SP110: variants seen among roughly 807,000 people sequenced by gnomAD.
SP110 encodes the protein SP110 nuclear body protein.
SP110 carries 62 observed loss-of-function variants against 92.7 expected under a neutral mutation model. That is an observed-to-expected ratio of 0.67 (90% CI 0.55 to 0.83). The LOEUF is 0.83. Among genes scored for constraint, SP110 ranks in the 40% least tolerant of loss-of-function variants. The probability of loss-of-function intolerance (pLI) is 0.00; values close to 1 mark genes in which losing one functional copy is unlikely to be tolerated. For synonymous variants in SP110, 273 were observed against 305.3 expected, an observed-to-expected ratio of 0.89 and a Z score of 1.10; for missense variants, 793 against 863.9, an observed-to-expected ratio of 0.92 and a Z score of 1.03.
chr2:230,220,253 C>T (rs1203580321), upstream of SP110: 1 of 160,482 alleles, frequency 6.2e-6, no homozygotes, highest in African/African-American at 2.4e-5. Context: ...AACTCAGCGT[C>T]CAAATGCTTC....
At chr2:230,179,077 C>T (rs2041999740) in intron 12 of SP110, among the ~76,000 whole-genome samples, 1 of 152,196 alleles carries the variant, frequency 6.6e-6, no homozygotes, top group African/African-American at 2.4e-5. Flanking sequence ...CCAACTCTCT[C>T]CCTTGCCTCA....
intron 12 of SP110, among the ~76,000 whole-genome samples, chr2:230,182,601 C>T (rs564409597): frequency 7.9e-5 from 12 of 152,034 alleles, no homozygotes; most frequent in Non-Finnish European, 1.8e-4. Flanking sequence ...TGGGAGCATT[C>T]GGTATCTGGT....
Position 230,211,373 on chromosome 2 carries a change from A to G in SP110, c.751+97T>C, listed in dbSNP as rs2044455103. Reference sequence around the variant, plus strand: ...AGCTGGGCCAAGATTGCTGAGAGGCAGGAGGAGAGCCCCCTCTCTAGAAGA... The same window carrying G: ...AGCTGGGCCAAGATTGCTGAGAGGCGGGAGGAGAGCCCCCTCTCTAGAAGA... On this transcript the variant is annotated intron_variant, in intron 6 of 18. Transcript: ENST00000258381. The surrounding 1 kb of genome is among the most constrained non-coding windows in gnomAD (Gnocchi z 4.2). 1 of 826,190 alleles carries G rather than the reference A, an allele frequency of 1.2e-6. No homozygotes were observed. The highest frequency in any genetic ancestry group is 2.1e-6 in the Non-Finnish European group (1 of 469,292). The allele number at this position is 826,190 out of a possible 1,614,324, so 51.2% of individuals were successfully genotyped here.
intron 11 of SP110, 151 bp from the exon 12 acceptor site, chr2:230,183,791 T>C (rs1438190284): frequency 1.1e-5 from 7 of 662,898 alleles, no homozygotes; most frequent in Non-Finnish European, 1.9e-5. Context: ...CCTTGTAGCA[T>C]TGACTAAGGA....
chr2:230,210,511 C>T (rs1327733039), intron 6 of SP110, among the ~76,000 whole-genome samples: 1 of 152,192 alleles, frequency 6.6e-6, no homozygotes, highest in Non-Finnish European at 1.5e-5. Flanking sequence ...TTTAACTGCT[C>T]TATCTGTGGT....
chr2:230,207,833 G>A (rs2044036848), intron 8 of SP110, among the ~76,000 whole-genome samples, 158 bp downstream of exon 8: 2 of 151,896 alleles, frequency 1.3e-5, no homozygotes, highest in Admixed American at 6.6e-5. Context: ...TCTTTACACC[G>A]TAGCAAAATT....
chr2:230,176,516 C>G, intron 14 of SP110: 3 of 1,557,278 alleles, frequency 1.9e-6, no homozygotes, highest in Admixed American at 3.9e-5. Flanking sequence ...ATTTGCTTCC[C>G]CATCCCAAAT....
intron 12 of SP110, among the ~76,000 whole-genome samples, chr2:230,181,762 A>C (rs1270778056): frequency 6.6e-6 from 1 of 152,256 alleles, no homozygotes; most frequent in African/African-American, 2.4e-5. Context: ...ATACCATCTC[A>C]TGCCAGTCAG....
intron 10 of SP110, among the ~76,000 whole-genome samples, chr2:230,191,072 G>GT (rs968155659): frequency 2.2e-4 from 33 of 151,498 alleles, no homozygotes; most frequent in African/African-American, 4.4e-4. Flanking sequence ...ATTTAAAATA[G>GT]TTTTTTTTTC....
At chr2:230,220,009 C>A (rs202197342), upstream of SP110, 2 of 985,478 alleles carry the variant, frequency 2.0e-6, no homozygotes, top group South Asian at 4.7e-5. Flanking sequence ...AGTAAGGGGC[C>A]GGGCTTCCGA....
intron 14 of SP110, 40 bp from the exon 15 acceptor site, chr2:230,172,999 A>T: frequency 7.5e-7 from 1 of 1,337,654 alleles, no homozygotes; most frequent in Non-Finnish European, 1.1e-6. Flanking sequence ...AGGACCATGG[A>T]GACCCACGAA....
At chr2:230,215,177 C>T in intron 2 of SP110, 59 bp from the exon 3 acceptor site, 1 of 1,365,614 alleles carries the variant, frequency 7.3e-7, no homozygotes, top group South Asian at 1.2e-5. Context: ...GGAAGTTATA[C>T]ATTTATGGTT....
rs199743792 is a variant in SP110 at position 230,212,742 on chromosome 2, G to A, written c.583+19C>T. The A allele has an allele frequency of 6.2e-6, 10 of 1,613,740 alleles. No individual in the cohort carries two copies. Among genetic ancestry groups the A allele is most frequent in the Middle Eastern group, 3.4e-4 (2 of 5,804 alleles). ...TTAGGCTGAGGATATACAGGTGTTG[G>A]ATGGGATCTGTTTCTCACCTGAAGT... On this transcript the variant is annotated intron_variant, in intron 4 of 18. Coordinates refer to ENST00000258381, the MANE Select transcript of SP110 (RefSeq NM_080424.4).
intron 10 of SP110, chr2:230,200,587 T>C: frequency 2.2e-6 from 1 of 444,476 alleles, no homozygotes; most frequent in Non-Finnish European, 4.1e-6. Flanking sequence ...GGACACTCAT[T>C]CTCAGTAATG....
At chr2:230,176,372 G>T (rs2041860082) in intron 14 of SP110, 3 of 994,046 alleles carry the variant, frequency 3.0e-6, no homozygotes, top group Non-Finnish European at 4.0e-6. Flanking sequence ...TTAGAGATGG[G>T]GTCTTGCTAT....
At chr2:230,209,737 T>A (rs1186025716) in intron 7 of SP110, among the ~76,000 whole-genome samples, 194 bp downstream of exon 7, 3 of 152,238 alleles carry the variant, frequency 2.0e-5, no homozygotes, top group Non-Finnish European at 4.4e-5. Context: ...TACCCCCAAA[T>A]GCCTTCTGGT....
intron 10 of SP110, among the ~76,000 whole-genome samples, chr2:230,195,445 G>A (rs372814816): frequency 3.3e-5 from 5 of 151,976 alleles, no homozygotes; most frequent in Non-Finnish European, 7.4e-5. Context: ...AGTGATTATC[G>A]CACCTCAGCC....
At chr2:230,175,898 C>T (rs145627569) in intron 14 of SP110, among the ~76,000 whole-genome samples, 1 of 151,754 alleles carries the variant, frequency 6.6e-6, no homozygotes, top group East Asian at 1.9e-4. Flanking sequence ...ATATACTGTT[C>T]CTGTCTATTT....
intron 10 of SP110, among the ~76,000 whole-genome samples, chr2:230,193,234 T>A (rs1433862598): frequency 7.2e-5 from 11 of 152,250 alleles, no homozygotes; most frequent in Admixed American, 6.5e-4. Flanking sequence ...ACCTTGAATT[T>A]ATATGGGTCC....
Sources: gnomAD v4.1 joint callset for allele counts (sites outside exome capture counted in the v4.1 genomes callset) on GRCh38, gnomAD v4.1.1 for gene constraint, Gnocchi (gnomAD v3.1) non-coding constraint, MANE v1.5 for transcripts, NCBI Gene and HGNC (gene_info 2026-07-23, HGNC 2026-07-21) for gene names.